The following FRMPD4 variants were observed in gnomAD, a reference collection of about 807,000 sequenced individuals.
The protein encoded by FRMPD4 is FERM and PDZ domain-containing protein 4.
FRMPD4 carries 22 observed loss-of-function variants against 94.1 expected under a neutral mutation model. That is an observed-to-expected ratio of 0.23 (90% confidence interval 0.17 to 0.33). FRMPD4 has a LOEUF of 0.33. Ranked by LOEUF, FRMPD4 falls within the 10% of genes least tolerant of loss-of-function variation. The probability of loss-of-function intolerance (pLI) is 1.00; values close to 1 mark genes in which losing one functional copy is unlikely to be tolerated. For missense variants in FRMPD4, 1,111 were observed against 1,339.9 expected (o/e 0.83, Z 2.67); for synonymous variants, 631 against 548.6 (o/e 1.15, Z -2.10).
chrX:12,559,525 C>CT (rs2058629929), intron 2 of FRMPD4, among the ~76,000 whole-genome samples: 1 of 110,226 alleles, frequency 9.1e-6, no homozygotes, highest in Non-Finnish European at 1.9e-5. Flanking sequence ...TGGCAGGCAC[C>CT]TGTAGTCCCA....
At chrX:12,434,694 T>G (rs1359759398) in intron 1 of FRMPD4, among the ~76,000 whole-genome samples, 1 of 112,028 alleles carries the variant, frequency 8.9e-6, no homozygotes, top group East Asian at 2.8e-4. Flanking sequence ...ACTTAGCTGG[T>G]TTAGACCAAT....
At chrX:11,979,175 A>G (rs1363605718) in intron 3 of FRMPD4, among the ~76,000 whole-genome samples, 1 of 111,593 alleles carries the variant, frequency 9.0e-6, no homozygotes, top group Non-Finnish European at 1.9e-5. Context: ...CCTGAATTTC[A>G]TGTTAAAATT....
At chrX:12,617,782 T>C (rs2059249056) in intron 4 of FRMPD4, among the ~76,000 whole-genome samples, 1 of 111,538 alleles carries the variant, frequency 9.0e-6, no homozygotes, top group African/African-American at 3.3e-5. Flanking sequence ...TAGTCTTGTT[T>C]TGTTCCTTTT....
intron 2 of FRMPD4, among the ~76,000 whole-genome samples, chrX:11,870,582 G>C (rs1381590739): frequency 9.0e-6 from 1 of 111,431 alleles, no homozygotes; most frequent in Non-Finnish European, 1.9e-5. Context: ...CCCGGGGTGA[G>C]AGGGGCCCTT....
At chrX:12,609,488 CCATA>C (rs1218591216) in intron 2 of FRMPD4, among the ~76,000 whole-genome samples, 1 of 111,558 alleles carries the variant, frequency 9.0e-6, no homozygotes, top group East Asian at 2.8e-4. Flanking sequence ...TGAGGCTGGG[CCATA>C]TGCATATCTG....
chrX:11,931,520 G>C (rs1251224893), intron 3 of FRMPD4, among the ~76,000 whole-genome samples: 1 of 111,797 alleles, frequency 8.9e-6, no homozygotes, highest in African/African-American at 3.3e-5. Flanking sequence ...CTCTCCAGAA[G>C]GGCAGTGTGA....
At chrX:12,294,533 G>C (rs142642388) in intron 1 of FRMPD4, among the ~76,000 whole-genome samples, 3,070 of 109,338 alleles carry the variant, frequency 0.028, 117 homozygotes, top group African/African-American at 0.097. Context: ...CTTATGATTG[G>C]TATGTAGCAG....
chrX:12,416,051 G>A lies in FRMPD4; in HGVS notation c.42-82629G>A, dbSNP rs73434892. Among the ~76,000 whole-genome samples the A allele has an allele frequency of 6.9e-3, 777 of 111,862 alleles. 8 individuals carry two copies. Among genetic ancestry groups the A allele is most frequent in the African/African-American group, 0.024 (746 of 30,798 alleles). Reference sequence around the variant, plus strand: ...AATGATGCAATGCCAAAAGCAGGCTGTTAAGGAAATGCTAACATTTAGTGA... The same window carrying A: ...AATGATGCAATGCCAAAAGCAGGCTATTAAGGAAATGCTAACATTTAGTGA... On this transcript the variant is annotated intron_variant, in intron 1 of 16. Coordinates refer to ENST00000675598, the MANE Select transcript of FRMPD4 (RefSeq NM_001368397.1).
chrX:12,250,056 G>GTGTGTT (rs1280438357), intron 1 of FRMPD4, among the ~76,000 whole-genome samples: 31 of 85,430 alleles, frequency 3.6e-4, no homozygotes, highest in African/African-American at 1.4e-3. Flanking sequence ...CTCTGTGTGT[G>GTGTGTT]TGTGTGTTTG....
intron 1 of FRMPD4, among the ~76,000 whole-genome samples, chrX:12,156,872 T>C (rs1283629019): frequency 8.9e-6 from 1 of 111,788 alleles, no homozygotes; most frequent in Non-Finnish European, 1.9e-5. Flanking sequence ...ATAATATAGT[T>C]CATAATAAAA....
At chrX:11,983,864 A>G (rs924859155) in intron 3 of FRMPD4, among the ~76,000 whole-genome samples, 1 of 112,313 alleles carries the variant, frequency 8.9e-6, no homozygotes, top group Non-Finnish European at 1.9e-5. Context: ...AGCAGCACCT[A>G]TACTAAAAAA....
At chrX:12,116,638 C>T (rs1010731875) in intron 3 of FRMPD4, among the ~76,000 whole-genome samples, 2 of 111,477 alleles carry the variant, frequency 1.8e-5, no homozygotes, top group African/African-American at 6.5e-5. Context: ...GGAATGCATG[C>T]TATAGGGTGA....
intron 3 of FRMPD4, among the ~76,000 whole-genome samples, chrX:12,036,671 A>G (rs1343090313): frequency 8.9e-6 from 1 of 112,110 alleles, no homozygotes; most frequent in Non-Finnish European, 1.9e-5. Flanking sequence ...ACCTTATTTC[A>G]GCTCAGGCAA....
At chrX:12,699,477 C>T (rs760121412) in intron 9 of FRMPD4, among the ~76,000 whole-genome samples, 45 of 112,668 alleles carry the variant, frequency 4.0e-4, no homozygotes, top group South Asian at 2.2e-3. Context: ...ACCCATGGCA[C>T]GTGGATACAG....
intron 16 of FRMPD4, among the ~76,000 whole-genome samples, chrX:12,720,034 G>A (rs1406106766): frequency 3.2e-5 from 1 of 31,341 alleles, no homozygotes; most frequent in Non-Finnish European, 7.2e-5. Context: ...GGAAAGGAAA[G>A]GAAAGGAAAG....
At chrX:12,148,163 G>A (rs1020520748) in intron 1 of FRMPD4, among the ~76,000 whole-genome samples, 3 of 112,150 alleles carry the variant, frequency 2.7e-5, no homozygotes, top group Non-Finnish European at 3.8e-5. Context: ...AGTTTGGTAC[G>A]GAAGGCATGT....
chrX:12,297,745 T>G (rs1362666637), intron 1 of FRMPD4, among the ~76,000 whole-genome samples: 1 of 111,604 alleles, frequency 9.0e-6, no homozygotes, highest in Non-Finnish European at 1.9e-5. Context: ...GATAGATGAT[T>G]GTAAATAGAA....
intron 2 of FRMPD4, among the ~76,000 whole-genome samples, chrX:12,543,109 C>A (rs1298820164): frequency 8.1e-5 from 9 of 111,309 alleles, no homozygotes; most frequent in East Asian, 2.8e-4. Context: ...TAAAGACTTA[C>A]ATGTTAGACC....
intron 3 of FRMPD4, among the ~76,000 whole-genome samples, chrX:12,015,421 C>T (rs2054600117): frequency 9.0e-6 from 1 of 111,593 alleles, no homozygotes; most frequent in Non-Finnish European, 1.9e-5. Context: ...ATCACATTGC[C>T]TCATTGGATG....
Sources: allele counts gnomAD v4.1 joint callset (sites outside exome capture counted in the v4.1 genomes callset), GRCh38; gene constraint gnomAD v4.1.1; transcripts MANE v1.5; gene names NCBI Gene and HGNC (gene_info 2026-07-23, HGNC 2026-07-21).